FMN1: variants seen among roughly 807,000 people sequenced by gnomAD.
FMN1 encodes the protein formin 1.
A neutral mutation model predicts 132.4 loss-of-function variants in FMN1; 110 were observed. The ratio of observed to expected loss-of-function variants is 0.83; its 90% CI spans 0.71 to 0.97. The LOEUF (loss-of-function observed/expected upper bound fraction) is 0.97. FMN1 is among the 50% of genes least tolerant of loss of function. The pLI, the probability that FMN1 is intolerant of heterozygous loss-of-function variation, is 0.00. For missense variants in FMN1, 1,792 were observed against 1,705.3 expected, an observed-to-expected ratio of 1.05 and a Z score of -0.90; for synonymous variants, 722 against 651.7, an observed-to-expected ratio of 1.11 and a Z score of -1.64.
At chr15:33,104,973 C>T (rs181265170) in intron 4 of FMN1, among the ~76,000 whole-genome samples, 1 of 152,150 alleles carries the variant, frequency 6.6e-6, no homozygotes, top group Non-Finnish European at 1.5e-5. Context: ...TAGAATGACC[C>T]TCTCCCTCTC....
chr15:32,857,230 T>C (rs2059154770), intron 16 of FMN1, 123 bp from the exon 17 acceptor site: 1 of 719,284 alleles, frequency 1.4e-6, no homozygotes, highest in Non-Finnish European at 2.4e-6. Context: ...CCACTGTTGG[T>C]CCAAATTCCA....
chr15:32,768,090 T>C lies in FMN1; in HGVS notation c.*6220A>G, dbSNP rs1392886614. ...CCCTTACTGGGAAGAGCAGTATAAT[T>C]TTTGTATGCTATAAACTCCTTTTTA... On this transcript the variant is annotated 3_prime_UTR_variant, in exon 21 of 21. Coordinates refer to ENST00000616417, the MANE Select transcript of FMN1 (RefSeq NM_001277313.2). 1.3e-5 allele frequency: 2 copies of C among 152,224 alleles called. No individual in the cohort carries two copies. The highest frequency in any genetic ancestry group is 2.9e-5 in the Non-Finnish European group (2 of 68,030). The allele number at this position is 152,224 out of a possible 1,614,324, so 9.4% of individuals were successfully genotyped here. A position where few individuals can be genotyped will look rare whatever the true frequency, so the allele number is the denominator to read the frequency against.
At position 33,008,174 on chromosome 15, in the gene FMN1, C is replaced by T. The variant is rs1365116566; in HGVS notation, c.2162-99G>A. Reference sequence around the variant, plus strand: ...AGAAATAAACTGACTAAAATAAATGCCACAATTTGACATCAACCTTACAAG... The same window carrying T: ...AGAAATAAACTGACTAAAATAAATGTCACAATTTGACATCAACCTTACAAG... On this transcript the variant is annotated intron_variant, in intron 6 of 20. Transcript: ENST00000616417. 4.3e-6 allele frequency: 4 copies of T among 921,402 alleles called. No homozygotes were observed. The African/African-American group carries it at 6.7e-5, about 15-fold the overall frequency. 57.1% of individuals were successfully genotyped at this position (921,402 alleles called of 1,614,324 possible).
chr15:33,127,404 T>C (rs140003774), intron 4 of FMN1, among the ~76,000 whole-genome samples: 7 of 152,304 alleles, frequency 4.6e-5, no homozygotes, highest in African/African-American at 1.7e-4. Flanking sequence ...TCTCAAAGGA[T>C]GGACCAGAAC....
intron 7 of FMN1, among the ~76,000 whole-genome samples, chr15:32,975,021 A>G (rs1016852534): frequency 3.9e-5 from 6 of 152,218 alleles, no homozygotes; most frequent in South Asian, 2.1e-4. Flanking sequence ...ATGCTATACC[A>G]CTACAGATAA....
intron 5 of FMN1, among the ~76,000 whole-genome samples, chr15:33,074,742 G>A (rs2038133311): frequency 6.6e-6 from 1 of 152,140 alleles, no homozygotes; most frequent in Non-Finnish European, 1.5e-5. Context: ...TCAGCCGGGT[G>A]CAGTGGCTCA....
rs931158373 is a variant in FMN1 at position 33,153,581 on chromosome 15, G to A, written c.1334C>T (p.Thr445Met). The A allele has an allele frequency of 1.2e-5, 19 of 1,536,130 alleles. No homozygotes were observed. Among genetic ancestry groups the A allele is most frequent in the African/African-American group, 4.1e-5 (3 of 73,050 alleles). Reference protein sequence around the residue: ...EGKRLGFPVHTSVPHTRPETR... With the variant: ...EGKRLGFPVHMSVPHTRPETR... ...TTCTGGGCGAGTGTGAGGGACACTC[G>A]TGTGGACAGGGAAGCCCAGTCTTTT... The change falls in exon 4 of 21, where the codon ACG becomes ATG. Residue 445 changes from threonine to methionine, a missense_variant. By Grantham distance (81) the Thr-to-Met change is moderately conservative. Coordinates refer to ENST00000616417, the MANE Select transcript of FMN1 (RefSeq NM_001277313.2).
At chr15:33,061,768 G>A (rs748526060) in intron 6 of FMN1, among the ~76,000 whole-genome samples, 1 of 151,956 alleles carries the variant, frequency 6.6e-6, no homozygotes, top group African/African-American at 2.4e-5. Context: ...AAACAATATA[G>A]AGGAAATAAT....
intron 17 of FMN1, among the ~76,000 whole-genome samples, chr15:32,849,019 T>C (rs1261897532): frequency 7.6e-6 from 1 of 131,666 alleles, no homozygotes; most frequent in Non-Finnish European, 1.6e-5. Flanking sequence ...AGTCTCACTC[T>C]GTCACCCATG....
intron 7 of FMN1, among the ~76,000 whole-genome samples, chr15:33,002,497 T>C (rs1025862841): frequency 2.0e-5 from 3 of 152,178 alleles, no homozygotes; most frequent in Non-Finnish European, 2.9e-5. Context: ...CTATTTTTTA[T>C]TGTATTGATG....
At chr15:33,139,862 A>G (rs1188779185) in intron 4 of FMN1, among the ~76,000 whole-genome samples, 6 of 152,202 alleles carry the variant, frequency 3.9e-5, no homozygotes, top group African/African-American at 1.4e-4. Context: ...TTATCATTTT[A>G]AGAGGCGACA....
At chr15:33,072,670 C>T (rs1048238013) in intron 5 of FMN1, among the ~76,000 whole-genome samples, 6 of 152,282 alleles carry the variant, frequency 3.9e-5, no homozygotes, top group Admixed American at 2.0e-4. Context: ...CGCCTGTAAT[C>T]CCAGCACTTT....
Position 32,969,376 on chromosome 15 carries a change from G to C in FMN1, c.2325C>G (p.His775Gln). 1 of 1,613,948 alleles carries C rather than the reference G, an allele frequency of 6.2e-7. No homozygotes were observed. Among genetic ancestry groups the C allele is most frequent in the Non-Finnish European group, 8.5e-7 (1 of 1,179,890 alleles). The change falls in exon 8 of 21, where the codon CAC becomes CAG. Residue 775 changes from histidine (H) to glutamine (Q), a missense_variant. Around this residue, in one of 3 missense-constraint regions of FMN1, gnomAD observed 1,150 missense variants for 1,043.1 expected, o/e 1.10. Coordinates refer to ENST00000616417, the MANE Select transcript of FMN1 (RefSeq NM_001277313.2). ...TCTCTTCACAACCCCCTCGCCATCT[G>C]TGTTCTAGCTCGTGTTTCAGATTTT... ...TIENLKHELE[H>Q]RWRGGCEERK...
At chr15:32,910,379 A>G in intron 11 of FMN1, 95 bp downstream of exon 11, 1 of 1,044,208 alleles carries the variant, frequency 9.6e-7, no homozygotes. Flanking sequence ...AGGCCACGTC[A>G]AAACCCTTAC....
intron 10 of FMN1, among the ~76,000 whole-genome samples, chr15:32,923,255 A>G (rs2060877944): frequency 6.6e-6 from 1 of 152,180 alleles, no homozygotes; most frequent in Non-Finnish European, 1.5e-5. Flanking sequence ...ATTAAAATAA[A>G]CTTTTTAGGC....
At chr15:33,157,238 C>A (rs1410761308) in intron 3 of FMN1, among the ~76,000 whole-genome samples, 1 of 144,370 alleles carries the variant, frequency 6.9e-6, no homozygotes, top group African/African-American at 2.6e-5. Context: ...GCACTCCAGC[C>A]TGGTGACAGA....
intron 17 of FMN1, among the ~76,000 whole-genome samples, chr15:32,809,922 T>C (rs1378237096): frequency 1.4e-5 from 2 of 145,968 alleles, no homozygotes; most frequent in African/African-American, 5.0e-5. Flanking sequence ...CAAATACTTA[T>C]TTTTTTTTTT....
At chr15:32,784,892 TC>T (rs1262133982) in intron 19 of FMN1, among the ~76,000 whole-genome samples, 2 of 152,200 alleles carry the variant, frequency 1.3e-5, no homozygotes, top group African/African-American at 4.8e-5. Context: ...TATGCAACTT[TC>T]CAATGTCTAT....
At chr15:32,924,891 G>A (rs2060920196) in intron 10 of FMN1, among the ~76,000 whole-genome samples, 1 of 152,130 alleles carries the variant, frequency 6.6e-6, no homozygotes, top group Non-Finnish European at 1.5e-5. Context: ...TCCAGCCTGG[G>A]CAATAAGAGC....
Sources: allele counts gnomAD v4.1 joint callset (sites outside exome capture counted in the v4.1 genomes callset), GRCh38; gene constraint gnomAD v4.1.1; regional missense constraint gnomAD v4.1.1; transcripts MANE v1.5; gene names NCBI Gene and HGNC (gene_info 2026-07-23, HGNC 2026-07-21).